FBXO32: variants seen among roughly 807,000 people sequenced by gnomAD.
The protein encoded by FBXO32 is F-box protein 32.
In FBXO32, 15 loss-of-function variants were observed where a neutral mutation model predicts 48.3. The ratio of observed to expected loss-of-function variants is 0.31; its 90% CI spans 0.21 to 0.48. The LOEUF (loss-of-function observed/expected upper bound fraction) is 0.48. FBXO32 is among the 20% of genes least tolerant of loss of function. FBXO32 has a pLI of 0.99. For synonymous variants in FBXO32, 154 were observed against 165.9 expected (o/e 0.93, Z 0.55); for missense variants, 309 against 432.7 (o/e 0.71, Z 2.54).
At chr8:123,519,600 TA>T (rs1816910424) in intron 4 of FBXO32, among the ~76,000 whole-genome samples, 1 of 147,834 alleles carries the variant, frequency 6.8e-6, no homozygotes, top group Non-Finnish European at 1.5e-5. Flanking sequence ...TTGTGACTGG[TA>T]AACAACTTTT....
chr8:123,531,346 A>G (rs74816937), intron 4 of FBXO32, among the ~76,000 whole-genome samples: 163 of 152,338 alleles, frequency 1.1e-3, no homozygotes, highest in African/African-American at 3.1e-3. Flanking sequence ...TGGGGGTGGA[A>G]GGGAACCACA....
Position 123,498,429 on chromosome 8 carries a change from T to C in FBXO32, c.*4944A>G, listed in dbSNP as rs1182986342. The C allele has an allele frequency of 6.6e-6, 1 of 152,208 alleles. No homozygotes were observed. Among genetic ancestry groups the C allele is most frequent in the African/African-American group, 2.4e-5 (1 of 41,436 alleles). The allele number at this position is 152,208 out of a possible 1,614,324, so 9.4% of individuals were successfully genotyped here. ...GCAGGGCCTAAGTTTTGAGAGATTCTCCAGAAAGCTTTGTTTGCTGAGTGA... is the reference window on the plus strand; with the variant it reads ...GCAGGGCCTAAGTTTTGAGAGATTCCCCAGAAAGCTTTGTTTGCTGAGTGA... On this transcript the variant is annotated 3_prime_UTR_variant, in exon 9 of 9. Transcript: ENST00000517956.
chr8:123,523,848 A>G (rs1817015282), intron 4 of FBXO32, among the ~76,000 whole-genome samples: 1 of 152,148 alleles, frequency 6.6e-6, no homozygotes, highest in African/African-American at 2.4e-5. Context: ...TCTAATGTCC[A>G]CAATAAGGTC....
chr8:123,531,901 G>T lies in FBXO32; in HGVS notation c.369C>A (p.Val123=), dbSNP rs75257646. The change falls in exon 4 of 9, where the codon GTC becomes GTA. Residue 123 remains valine (V), a synonymous_variant. Transcript: ENST00000517956. The part of the protein sequence containing the change: ...ILDSRRFNYV[V]RLLELIAKSQ... ...CCTTTAGGCACTTGAGACTTACCCG[G>T]ACCACGTAGTTAAATCTTCTGGAAT... 3 of 1,614,060 alleles carry T rather than the reference G, an allele frequency of 1.9e-6. No homozygotes were observed. The highest frequency in any genetic ancestry group is 3.3e-5 in the Admixed American group (2 of 60,016).
intron 4 of FBXO32, among the ~76,000 whole-genome samples, chr8:123,518,312 G>T (rs1046227277): frequency 3.3e-5 from 5 of 152,176 alleles, no homozygotes; most frequent in African/African-American, 9.7e-5. Context: ...AATTATTATT[G>T]TTAGCTTTTA....
At position 123,515,637 on chromosome 8, in the gene FBXO32, C is replaced by T. The variant is rs183338099; in HGVS notation, c.373-1304G>A. ...ATGAAGATAATAACTGAAGTTAGTG[C>T]GTACTTAGTCCAATCTTTTTTACCT... On this transcript the variant is annotated intron_variant, in intron 4 of 8. Transcript: ENST00000517956. Among the ~76,000 whole-genome samples the T allele has an allele frequency of 2.2e-3, 334 of 152,198 alleles. 7 individuals are homozygous for T. Among genetic ancestry groups the T allele is most frequent in the East Asian group, 0.011 (59 of 5,170 alleles).
rs1816428496 is a variant in FBXO32 at position 123,499,228 on chromosome 8, C to T, written c.*4145G>A. On this transcript the variant is annotated 3_prime_UTR_variant, in exon 9 of 9. Transcript: ENST00000517956. Reference sequence around the variant, plus strand: ...GTAGGAGTTTCCATTCTTTGGAAAACCAAAGATGGTTACTCTTCTTAATGA... The same window carrying T: ...GTAGGAGTTTCCATTCTTTGGAAAATCAAAGATGGTTACTCTTCTTAATGA... 6.6e-6 allele frequency: 1 copy of T among 152,116 alleles called. No individual in the cohort carries two copies. The highest frequency in any genetic ancestry group is 1.5e-5 in the Non-Finnish European group (1 of 68,030). The allele number at this position is 152,116 out of a possible 1,614,324, so 9.4% of individuals were successfully genotyped here.
In FBXO32 at chr8:123,513,317, A is replaced by C. The variant is rs1358590505; in HGVS notation, c.532T>G (p.Cys178Gly). ...TTGCCGACTCTTTGGACCAGTGTAC[A>C]TAAGGATGTGTAGAGGGTCTGGAGT... is the stretch of plus-strand genomic sequence containing the variant. Reference protein sequence around the residue: ...ELLQTLYTSLCTLVQRVGKSV... With the variant: ...ELLQTLYTSLGTLVQRVGKSV... Residue 178 changes from cysteine to glycine, a missense_variant, in exon 6 of 9, where the codon TGT (cysteine) becomes GGT (glycine). Physicochemically the swap from Cys to Gly is radical, Grantham distance 159. Coordinates refer to ENST00000517956, the MANE Select transcript of FBXO32 (RefSeq NM_058229.4). This position sits in a 1 kb window ranked among gnomAD's most constrained non-coding sequence, Gnocchi z 4.3. The C allele has an allele frequency of 6.2e-7, 1 of 1,614,106 alleles. No individual in the cohort carries two copies.
chr8:123,508,967 T>G (rs1816683985), intron 6 of FBXO32, among the ~76,000 whole-genome samples: 1 of 152,172 alleles, frequency 6.6e-6, no homozygotes, highest in Non-Finnish European at 1.5e-5. Flanking sequence ...AAAGAAAAAT[T>G]AGTCACTCTC....
chr8:123,525,794 G>C lies in FBXO32; in HGVS notation c.372+6104C>G, dbSNP rs1434337544. ...CTTGACTGTGCTTATCAAAGACGTA[G>C]ATATACAAAGATGGAATTCGTAAAC... On this transcript the variant is annotated intron_variant, in intron 4 of 8. Transcript: ENST00000517956. The surrounding 1 kb of genome is among the most constrained non-coding windows in gnomAD (Gnocchi z 4.3). Among the ~76,000 whole-genome samples the C allele has an allele frequency of 6.6e-6, 1 of 152,124 alleles. No homozygotes were observed. The highest frequency in any genetic ancestry group is 1.5e-5 in the Non-Finnish European group (1 of 68,022).
chr8:123,506,647 T>G lies in FBXO32; in HGVS notation c.652-73A>C. On this transcript the variant is annotated intron_variant, in intron 6 of 8. Coordinates refer to ENST00000517956, the MANE Select transcript of FBXO32 (RefSeq NM_058229.4). The surrounding 1 kb of genome is among the most constrained non-coding windows in gnomAD (Gnocchi z 4.0). ...TTCACCAGGCCACACCCTCCAGGCA[T>G]GCAGCTGTGCCCGTCCTCCACCCTC... 1 of 1,336,404 alleles carries G rather than the reference T, an allele frequency of 7.5e-7. No individual in the cohort carries two copies. Among genetic ancestry groups the G allele is most frequent in the Non-Finnish European group, 1.0e-6 (1 of 967,574 alleles). The allele number at this position is 1,336,404 out of a possible 1,614,324, so 82.8% of individuals were successfully genotyped here. A position where few individuals can be genotyped will look rare whatever the true frequency, so the allele number is the denominator to read the frequency against.
chr8:123,509,015 G>T (rs1475583447), intron 6 of FBXO32, among the ~76,000 whole-genome samples: 1 of 152,074 alleles, frequency 6.6e-6, no homozygotes, highest in Admixed American at 6.6e-5. Context: ...ATCCACTAGG[G>T]TCTATGTCAC....
chr8:123,515,764 C>G (rs1442425987), intron 4 of FBXO32, among the ~76,000 whole-genome samples: 1 of 151,916 alleles, frequency 6.6e-6, no homozygotes, highest in African/African-American at 2.4e-5. Flanking sequence ...GAGGCCAAGG[C>G]AGGTAGATCA....
At chr8:123,504,351 C>G (rs1029730860) in intron 8 of FBXO32, among the ~76,000 whole-genome samples, 2 of 151,912 alleles carry the variant, frequency 1.3e-5, no homozygotes, top group Admixed American at 6.5e-5. Context: ...CCCGTACACA[C>G]AGAGAGAGGA....
intron 5 of FBXO32, 85 bp downstream of exon 5, chr8:123,514,149 TTAAGTC>T (rs1409785181): frequency 4.6e-6 from 4 of 860,278 alleles, no homozygotes; most frequent in Admixed American, 2.8e-5. Flanking sequence ...TCACATGTCT[TTAAGTC>T]TAATGACACG....
In FBXO32 at chr8:123,501,856, T is replaced by A. The variant is rs986053749; in HGVS notation, c.*1517A>T. The A allele has an allele frequency of 6.6e-6, 1 of 152,000 alleles. No individual in the cohort carries two copies. Among genetic ancestry groups the A allele is most frequent in the Non-Finnish European group, 1.5e-5 (1 of 68,000 alleles). The allele number at this position is 152,000 out of a possible 1,614,324, so 9.4% of individuals were successfully genotyped here. On this transcript the variant is annotated 3_prime_UTR_variant, in exon 9 of 9. Coordinates refer to ENST00000517956, the MANE Select transcript of FBXO32 (RefSeq NM_058229.4). ...AGTTTATTTGGAAAAAAAAAAAGCATATACAACTGCAAATATATGTACATT... is the reference window on the plus strand; with the variant it reads ...AGTTTATTTGGAAAAAAAAAAAGCAAATACAACTGCAAATATATGTACATT...
At chr8:123,510,530 C>T (rs1383202021) in intron 6 of FBXO32, among the ~76,000 whole-genome samples, 2 of 152,048 alleles carry the variant, frequency 1.3e-5, no homozygotes, top group African/African-American at 4.8e-5. Flanking sequence ...GAAGAATCAC[C>T]TGAACCCAGG....
At chr8:123,533,052 A>G (rs1817241006) in intron 3 of FBXO32, 139 bp downstream of exon 3, 5 of 648,112 alleles carry the variant, frequency 7.7e-6, no homozygotes, top group African/African-American at 1.8e-5. Flanking sequence ...TGGCTAAATA[A>G]TAGACTAATA....
chr8:123,522,484 C>T (rs1344851467), intron 4 of FBXO32, among the ~76,000 whole-genome samples: 2 of 152,124 alleles, frequency 1.3e-5, no homozygotes, highest in Non-Finnish European at 1.5e-5. Flanking sequence ...ATTGGGATTA[C>T]AGGTGTGAGC....
Sources: gnomAD v4.1 joint callset for allele counts (sites outside exome capture counted in the v4.1 genomes callset) on GRCh38, gnomAD v4.1.1 for gene constraint, Gnocchi (gnomAD v3.1) non-coding constraint, MANE v1.5 for transcripts, NCBI Gene and HGNC (gene_info 2026-07-23, HGNC 2026-07-21) for gene names.